Variants in FAM135B observed in about 807,000 individuals in gnomAD.
FAM135B encodes the protein family with sequence similarity 135 member B.
A neutral mutation model predicts 127.7 loss-of-function variants in FAM135B; 43 were observed. The observed-to-expected ratio is 0.34, with a 90% CI of 0.26 to 0.43. FAM135B has a LOEUF of 0.43. Ranked by LOEUF, FAM135B falls within the 20% of genes least tolerant of loss-of-function variation. The pLI is 1.00. For synonymous variants in FAM135B, 670 were observed against 665.1 expected (o/e 1.01, Z -0.11); for missense variants, 1,558 against 1,725.6 (o/e 0.90, Z 1.72).
rs71316322 is a variant in FAM135B at position 138,142,288 on chromosome 8, CTTTTTTTTTTTT to C, written c.3638+712_3638+723del. On this transcript the variant is annotated intron_variant, in intron 16 of 19. Transcript: ENST00000395297. ...GGGTGGGCAACTCATTCTGCTTCTT[CTTTTTTTTTTTT>C]TTTTTTTTTTTTTTTTTTGAGATGG... Among the ~76,000 whole-genome samples the C allele has an allele frequency of 7.1e-4, 44 of 62,394 alleles. 1 individual carries two copies. Among genetic ancestry groups the C allele is most frequent in the South Asian group, 5.1e-3 (9 of 1,766 alleles). The allele number at this position is 62,394 out of a possible 152,430, so 40.9% of individuals were successfully genotyped here. A position where few individuals can be genotyped will look rare whatever the true frequency, so the allele number is the denominator to read the frequency against.
chr8:138,249,744 A>T (rs1821561378), intron 6 of FAM135B, among the ~76,000 whole-genome samples: 2 of 152,164 alleles, frequency 1.3e-5, no homozygotes, highest in African/African-American at 4.8e-5. Flanking sequence ...CTGTACATGC[A>T]CCTAAACTGT....
chr8:138,152,912 GC>G lies in FAM135B; in HGVS notation c.1562del (p.Gly521AlafsTer31), dbSNP rs1818315867. 1 of 1,614,018 alleles carries G rather than the reference GC, an allele frequency of 6.2e-7. No homozygotes were observed. The highest frequency in any genetic ancestry group is 1.3e-5 in the African/African-American group (1 of 74,906). On this transcript the variant is annotated frameshift_variant, in exon 13 of 20. Coordinates refer to ENST00000395297, the MANE Select transcript of FAM135B (RefSeq NM_015912.4). LOFTEE classifies it high-confidence loss of function. The stretch of plus-strand genomic sequence containing the variant: ...GATATGTCCCAGCATCAGATGTTTG[GC>G]CAGTCCAACATTCATCTTCAGGCAC... ...AGVPEDECWT[G>X]QTSDAGTYPV...
chr8:138,418,475 ATTAG>A (rs1470083634), intron 1 of FAM135B, among the ~76,000 whole-genome samples: 1 of 152,108 alleles, frequency 6.6e-6, no homozygotes, highest in Non-Finnish European at 1.5e-5. Flanking sequence ...ACCATTCAAA[ATTAG>A]TTATAGACAC....
chr8:138,406,661 C>T (rs1833515098), intron 1 of FAM135B, among the ~76,000 whole-genome samples: 1 of 152,042 alleles, frequency 6.6e-6, no homozygotes, highest in African/African-American at 2.4e-5. Context: ...ACAAAAACCA[C>T]ATGATTATCT....
chr8:138,470,366 T>C (rs777037748), intron 1 of FAM135B, among the ~76,000 whole-genome samples: 1 of 152,210 alleles, frequency 6.6e-6, no homozygotes. Context: ...TTTATATTTA[T>C]ACATTAAATA....
At chr8:138,430,681 G>A (rs1587436545) in intron 1 of FAM135B, among the ~76,000 whole-genome samples, 1 of 152,154 alleles carries the variant, frequency 6.6e-6, no homozygotes, top group Non-Finnish European at 1.5e-5. Context: ...GCCTGGGTTC[G>A]AGGACGGGGG....
intron 4 of FAM135B, among the ~76,000 whole-genome samples, chr8:138,263,204 G>A (rs186465613): frequency 1.4e-3 from 219 of 152,278 alleles, no homozygotes; most frequent in African/African-American, 5.0e-3. Context: ...TTTTCATCAA[G>A]CTATGAATGT....
chr8:138,226,989 A>AC (rs1263469596), intron 7 of FAM135B, among the ~76,000 whole-genome samples: 2 of 152,028 alleles, frequency 1.3e-5, no homozygotes, highest in Non-Finnish European at 2.9e-5. Context: ...GAGCCACCAC[A>AC]CCCAGCCCTA....
At chr8:138,135,458 A>G (rs1419779098) in intron 19 of FAM135B, among the ~76,000 whole-genome samples, 1 of 152,188 alleles carries the variant, frequency 6.6e-6, no homozygotes, top group Non-Finnish European at 1.5e-5. Flanking sequence ...AAATATACAT[A>G]AAAAAGCATC....
At chr8:138,450,884 G>T (rs375868099) in intron 1 of FAM135B, 1 of 152,136 alleles carries the variant, frequency 6.6e-6, no homozygotes, top group South Asian at 2.1e-4. Flanking sequence ...GCTAAACTAC[G>T]TGAATTATCT....
intron 9 of FAM135B, among the ~76,000 whole-genome samples, chr8:138,194,992 A>G (rs972008768): frequency 1.3e-5 from 2 of 152,246 alleles, no homozygotes; most frequent in African/African-American, 2.4e-5. Context: ...TGGGTAATGG[A>G]CAAATACATA....
intron 19 of FAM135B, among the ~76,000 whole-genome samples, chr8:138,133,449 C>T (rs879433987): frequency 1.3e-5 from 2 of 152,164 alleles, no homozygotes; most frequent in African/African-American, 2.4e-5. Flanking sequence ...CCTGGATCTA[C>T]GATTCATATC....
chr8:138,443,019 C>T (rs775125606), intron 1 of FAM135B, among the ~76,000 whole-genome samples: 3 of 152,100 alleles, frequency 2.0e-5, no homozygotes, highest in Non-Finnish European at 4.4e-5. Flanking sequence ...GAGGCTGCTG[C>T]TACTGATGAG....
intron 1 of FAM135B, among the ~76,000 whole-genome samples, chr8:138,455,693 G>C (rs1351634672): frequency 6.6e-6 from 1 of 152,146 alleles, no homozygotes; most frequent in Non-Finnish European, 1.5e-5. Flanking sequence ...CCTTGTGAAT[G>C]GATGGGTAGG....
intron 2 of FAM135B, among the ~76,000 whole-genome samples, chr8:138,341,094 C>T (rs1038596015): frequency 3.3e-5 from 5 of 152,176 alleles, no homozygotes; most frequent in Non-Finnish European, 7.3e-5. Flanking sequence ...ATAAGAGACT[C>T]ACACAGATTT....
intron 3 of FAM135B, among the ~76,000 whole-genome samples, chr8:138,276,198 G>A (rs1010700608): frequency 2.6e-5 from 4 of 152,192 alleles, no homozygotes; most frequent in African/African-American, 4.8e-5. Flanking sequence ...GCAAATTGGA[G>A]GCAAAGAGCC....
At chr8:138,161,706 C>T (rs1397739371) in intron 12 of FAM135B, among the ~76,000 whole-genome samples, 1 of 152,108 alleles carries the variant, frequency 6.6e-6, no homozygotes, top group African/African-American at 2.4e-5. Context: ...CTCTTCCTTA[C>T]CAGGGCGCAT....
chr8:138,437,787 C>T (rs1835534082), intron 1 of FAM135B: 1 of 152,118 alleles, frequency 6.6e-6, no homozygotes, highest in Non-Finnish European at 1.5e-5. Context: ...ATTGTGAGAA[C>T]ACAACACACT....
At chr8:138,421,472 C>T (rs1042239629) in intron 1 of FAM135B, among the ~76,000 whole-genome samples, 1 of 152,120 alleles carries the variant, frequency 6.6e-6, no homozygotes, top group African/African-American at 2.4e-5. Context: ...TGTACAAAAT[C>T]AGCATTTCTA....
Sources: gnomAD v4.1 joint callset for allele counts (sites outside exome capture counted in the v4.1 genomes callset) on GRCh38, gnomAD v4.1.1 for gene constraint, MANE v1.5 for transcripts, NCBI Gene and HGNC (gene_info 2026-07-23, HGNC 2026-07-21) for gene names.